LMX1A: variants seen among roughly 807,000 people sequenced by gnomAD.
LMX1A encodes the protein LIM homeobox transcription factor 1 alpha, also known as LIM homeobox transcription factor 1-alpha.
Under a neutral mutation model 49.1 loss-of-function variants are expected in LMX1A, and 15 were observed. That is an observed-to-expected ratio of 0.31 (90% CI 0.20 to 0.47). The LOEUF (loss-of-function observed/expected upper bound fraction) is 0.47. Ranked by LOEUF, LMX1A falls within the 20% of genes least tolerant of loss-of-function variation. The pLI is 1.00. For synonymous variants in LMX1A, 167 were observed against 185.7 expected, an observed-to-expected ratio of 0.90 and a Z score of 0.82; for missense variants, 372 against 475.8, an observed-to-expected ratio of 0.78 and a Z score of 2.03.
At chr1:165,244,767 G>A (rs1571173872) in intron 4 of LMX1A, among the ~76,000 whole-genome samples, 1 of 152,108 alleles carries the variant, frequency 6.6e-6, no homozygotes, top group East Asian at 1.9e-4. Flanking sequence ...ATTCTCTGGT[G>A]AAGGAAAAGA....
In LMX1A at chr1:165,272,971, A is replaced by G. The variant is rs1256364534; in HGVS notation, c.264-23331T>C. On this transcript the variant is annotated intron_variant, in intron 3 of 8. Transcript: ENST00000342310. ...CACATCCCTGGCAGCATGAAAGGGA[A>G]GTAGGAGGCTGTGCATTGCCTCCAC... Among the ~76,000 whole-genome samples, 3 of 152,210 alleles carry G rather than the reference A, an allele frequency of 2.0e-5. No homozygotes were observed. The East Asian group carries it at 5.8e-4, about 29-fold the overall frequency.
intron 4 of LMX1A, among the ~76,000 whole-genome samples, chr1:165,237,779 G>T (rs997617037): frequency 9.9e-5 from 15 of 152,102 alleles, no homozygotes; most frequent in African/African-American, 3.1e-4. Flanking sequence ...AGAAACCAGG[G>T]CACAGGGAAA....
chr1:165,254,172 T>C (rs1182293043), intron 3 of LMX1A, among the ~76,000 whole-genome samples: 1 of 152,228 alleles, frequency 6.6e-6, no homozygotes, highest in African/African-American at 2.4e-5. Context: ...TGGTAGCATC[T>C]GTGCTTGTCT....
intron 3 of LMX1A, among the ~76,000 whole-genome samples, chr1:165,268,889 T>C (rs111225929): frequency 6.6e-6 from 1 of 152,254 alleles, no homozygotes; most frequent in African/African-American, 2.4e-5. Flanking sequence ...GCAAAGACCA[T>C]ATGACAGGCA....
intron 3 of LMX1A, among the ~76,000 whole-genome samples, chr1:165,298,185 C>T (rs554012095): frequency 8.5e-5 from 13 of 152,346 alleles, no homozygotes; most frequent in South Asian, 2.1e-4. Context: ...AGCCCGCCAG[C>T]GCCTCAGTGC....
In LMX1A at chr1:165,203,676, T is replaced by C; in HGVS notation, c.*204A>G. The C allele has an allele frequency of 2.2e-6, 1 of 461,120 alleles. No individual in the cohort carries two copies. The highest frequency in any genetic ancestry group is 5.3e-5 in the South Asian group (1 of 18,718). The allele number at this position is 461,120 out of a possible 1,614,324, so 28.6% of individuals were successfully genotyped here. ...TTCATATCTAATGCTAAGACTCTTA[T>C]TAGAAACATTAAACTATGCAATCCA... On this transcript the variant is annotated 3_prime_UTR_variant, in exon 9 of 9. Coordinates refer to ENST00000342310, the MANE Select transcript of LMX1A (RefSeq NM_177398.4).
chr1:165,239,687 C>T (rs1652577085), intron 4 of LMX1A, among the ~76,000 whole-genome samples: 1 of 152,170 alleles, frequency 6.6e-6, no homozygotes, highest in Non-Finnish European at 1.5e-5. Context: ...TCCAGAGATG[C>T]CAGATTAATA....
intron 3 of LMX1A, among the ~76,000 whole-genome samples, chr1:165,338,936 C>A (rs1182004553): frequency 6.6e-6 from 1 of 152,206 alleles, no homozygotes; most frequent in Non-Finnish European, 1.5e-5. Context: ...CCTGACCATA[C>A]ACTGTTCTCC....
intron 3 of LMX1A, among the ~76,000 whole-genome samples, chr1:165,319,478 T>G (rs1655318816): frequency 6.6e-6 from 1 of 152,010 alleles, no homozygotes; most frequent in African/African-American, 2.4e-5. Context: ...CCTCCAGTAA[T>G]CTAAGGAAAA....
chr1:165,228,926 C>A (rs1652144684), intron 4 of LMX1A, among the ~76,000 whole-genome samples: 2 of 152,204 alleles, frequency 1.3e-5, no homozygotes, highest in South Asian at 4.1e-4. Flanking sequence ...TTCAATTTGT[C>A]TCCACTATCT....
chr1:165,214,150 A>T (rs536721956), intron 4 of LMX1A, among the ~76,000 whole-genome samples: 1 of 152,102 alleles, frequency 6.6e-6, no homozygotes, highest in Admixed American at 6.6e-5. Flanking sequence ...ATGGAGGGAC[A>T]TGGTGGGAGG....
At chr1:165,335,384 TTAA>T (rs1655867506) in intron 3 of LMX1A, among the ~76,000 whole-genome samples, 1 of 152,182 alleles carries the variant, frequency 6.6e-6, no homozygotes, top group Non-Finnish European at 1.5e-5. Context: ...ATTCACTAAA[TTAA>T]TAATAACAAA....
chr1:165,228,301 A>T (rs1296037335), intron 4 of LMX1A, among the ~76,000 whole-genome samples: 1 of 152,146 alleles, frequency 6.6e-6, no homozygotes, highest in Non-Finnish European at 1.5e-5. Flanking sequence ...CTTCCACCAG[A>T]TGCCTGCAGC....
At position 165,234,245 on chromosome 1, in the gene LMX1A, T is replaced by C. The variant is rs116629030; in HGVS notation, c.496+15163A>G. 5.1e-3 allele frequency among the ~76,000 whole-genome samples: 778 copies of C among 152,324 alleles called. 10 individuals are homozygous for C. Among genetic ancestry groups the C allele is most frequent in the African/African-American group, 0.018 (732 of 41,564 alleles). Reference sequence around the variant, plus strand: ...CCCTACCCTGCAACTCAGTACAGACTAAGCTGCATTTTCTAACAACATACT... The same window carrying C: ...CCCTACCCTGCAACTCAGTACAGACCAAGCTGCATTTTCTAACAACATACT... On this transcript the variant is annotated intron_variant, in intron 4 of 8. Coordinates refer to ENST00000342310, the MANE Select transcript of LMX1A (RefSeq NM_177398.4).
At chr1:165,214,678 G>A (rs1024735258) in intron 4 of LMX1A, among the ~76,000 whole-genome samples, 1 of 152,158 alleles carries the variant, frequency 6.6e-6, no homozygotes, top group Non-Finnish European at 1.5e-5. Context: ...CCAAGTGGTA[G>A]AAAATATTAT....
intron 3 of LMX1A, among the ~76,000 whole-genome samples, chr1:165,325,970 C>T (rs10800087): frequency 0.56 from 84,504 of 151,990 alleles, 24,812 homozygotes; most frequent in East Asian, 0.82. Flanking sequence ...CCCATCCTCA[C>T]CAGTGGCAGT....
At chr1:165,344,461 C>T (rs147490269) in intron 3 of LMX1A, among the ~76,000 whole-genome samples, 1,663 of 152,272 alleles carry the variant, frequency 0.011, 20 homozygotes, top group Non-Finnish European at 0.017. Flanking sequence ...CTGTCAAAAC[C>T]AGAAAGCTCT....
intron 4 of LMX1A, among the ~76,000 whole-genome samples, chr1:165,232,904 A>C (rs2102622221): frequency 6.6e-6 from 1 of 152,340 alleles, no homozygotes; most frequent in Admixed American, 6.5e-5. Flanking sequence ...TGAGTCAGGA[A>C]GATGTCCTTG....
At position 165,210,693 on chromosome 1, in the gene LMX1A, G is replaced by T. The variant is rs367802341; in HGVS notation, c.747+6C>A. ...TGGGGACAGATAAAAGTAAGAAGCA[G>T]GTTACCTTCGCTCTCTGGTTTTGGA... On this transcript the variant is annotated splice_donor_region_variant and intron_variant, in intron 6 of 8. Coordinates refer to ENST00000342310, the MANE Select transcript of LMX1A (RefSeq NM_177398.4). The T allele has an allele frequency of 1.2e-6, 2 of 1,608,256 alleles. No homozygotes were observed. The highest frequency in any genetic ancestry group is 1.7e-6 in the Non-Finnish European group (2 of 1,174,898).
Sources: gnomAD v4.1 joint callset for allele counts (sites outside exome capture counted in the v4.1 genomes callset) on GRCh38, gnomAD v4.1.1 for gene constraint, MANE v1.5 for transcripts, NCBI Gene and HGNC (gene_info 2026-07-23, HGNC 2026-07-21) for gene names.